SHISAL1: variants seen among roughly 807,000 people sequenced by gnomAD.
SHISAL1 encodes the protein shisa like 1, also known as protein shisa-like-1.
A neutral mutation model predicts 22.6 loss-of-function variants in SHISAL1; 9 were observed. The observed-to-expected ratio is 0.40, with a 90% CI of 0.24 to 0.70. SHISAL1 has a LOEUF of 0.70. SHISAL1 is among the 30% of genes least tolerant of loss of function. The probability of loss-of-function intolerance (pLI) is 0.39; values close to 1 mark genes in which losing one functional copy is unlikely to be tolerated. For missense variants in SHISAL1, 246 were observed against 270.6 expected (o/e 0.91, Z 0.64); for synonymous variants, 119 against 115.4 (o/e 1.03, Z -0.20).
chr22:44,302,572 C>T (rs532525495), intron 1 of SHISAL1, among the ~76,000 whole-genome samples: 16 of 152,288 alleles, frequency 1.1e-4, no homozygotes, highest in East Asian at 5.8e-4. Context: ...GCGGGAGAGG[C>T]CACGTGGCTG....
chr22:44,328,970 C>T, the SHISAL1 span, among the ~76,000 whole-genome samples: 1 of 152,206 alleles, frequency 6.6e-6, no homozygotes, highest in African/African-American at 2.4e-5. Context: ...ACATCTCCCC[C>T]TTCCTCTAGC....
chr22:44,316,935 C>T (rs1289583665), upstream of SHISAL1, among the ~76,000 whole-genome samples: 1 of 152,216 alleles, frequency 6.6e-6, no homozygotes, highest in Non-Finnish European at 1.5e-5. Context: ...GGCTAATTGG[C>T]AGCAGCTGCT....
chr22:44,289,500 T>C (rs1298713766), intron 3 of SHISAL1, among the ~76,000 whole-genome samples: 1 of 114,252 alleles, frequency 8.8e-6, no homozygotes, highest in Admixed American at 9.1e-5. Context: ...GTGTGTTTAC[T>C]GCCGGGCTCC....
At chr22:44,305,451 G>A (rs1444413024) in intron 1 of SHISAL1, among the ~76,000 whole-genome samples, 2 of 152,234 alleles carry the variant, frequency 1.3e-5, no homozygotes, top group Non-Finnish European at 2.9e-5. Context: ...TCCAGAGCTG[G>A]AGAGGCCTTT....
intron 4 of SHISAL1, among the ~76,000 whole-genome samples, chr22:44,266,525 G>GGTGTGTGTGTGT (rs386395566): frequency 2.2e-5 from 1 of 45,652 alleles, no homozygotes; most frequent in Non-Finnish European, 5.5e-5. Context: ...GGGGCTTTGG[G>GGTGTGTGTGTGT]GTATGTGTGT....
chr22:44,325,338 C>A, the SHISAL1 span, among the ~76,000 whole-genome samples: 1 of 152,062 alleles, frequency 6.6e-6, no homozygotes, highest in Admixed American at 6.5e-5. Context: ...AGGCTTCCTG[C>A]AAATGGGCAG....
chr22:44,257,223 C>T (rs1181034653), intron 4 of SHISAL1, among the ~76,000 whole-genome samples: 2 of 152,218 alleles, frequency 1.3e-5, no homozygotes, highest in Non-Finnish European at 2.9e-5. Flanking sequence ...ATCCTACAGA[C>T]ATGCTCACAA....
At chr22:44,269,917 C>A (rs150407921) in intron 4 of SHISAL1, among the ~76,000 whole-genome samples, 1 of 152,232 alleles carries the variant, frequency 6.6e-6, no homozygotes, top group Non-Finnish European at 1.5e-5. Context: ...TCAGCAGCAA[C>A]ACCACGTGTC....
intron 2 of SHISAL1, among the ~76,000 whole-genome samples, chr22:44,297,949 C>T (rs560576990): frequency 1.5e-4 from 23 of 152,306 alleles, no homozygotes; most frequent in African/African-American, 5.5e-4. Context: ...CCCCACCTAC[C>T]CACCCGGGGC....
At chr22:44,274,607 G>GA (rs1340222976) in intron 4 of SHISAL1, among the ~76,000 whole-genome samples, 1 of 152,154 alleles carries the variant, frequency 6.6e-6, no homozygotes, top group African/African-American at 2.4e-5. Context: ...CCCACACATG[G>GA]AATCTGGACA....
In SHISAL1 at chr22:44,248,335, C is replaced by T. The variant is rs1240843746; in HGVS notation, c.*1350G>A. 2.6e-5 allele frequency: 4 copies of T among 152,250 alleles called. No individual in the cohort carries two copies. Among genetic ancestry groups the T allele is most frequent in the Non-Finnish European group, 4.4e-5 (3 of 68,086 alleles). 9.4% of individuals were successfully genotyped at this position (152,250 alleles called of 1,614,324 possible). ...CATTGATCAAGCAGGGCCTCCCGAG[C>T]TAAGAGCTGGGGGAGATTTGGTATC... On this transcript the variant is annotated 3_prime_UTR_variant, in exon 5 of 5. Transcript: ENST00000381176.
upstream of SHISAL1, among the ~76,000 whole-genome samples, chr22:44,313,516 C>T (rs2147314070): frequency 6.6e-6 from 1 of 152,332 alleles, no homozygotes; most frequent in East Asian, 1.9e-4. Context: ...AGCAGAGGGT[C>T]CTCCCTGCCA....
intron 4 of SHISAL1, among the ~76,000 whole-genome samples, chr22:44,265,519 C>T (rs2055155834): frequency 6.6e-6 from 1 of 152,130 alleles, no homozygotes. Flanking sequence ...TTGATTGCAG[C>T]CTCCTGAGAG....
chr22:44,291,590 C>A (rs1027371232), intron 3 of SHISAL1, among the ~76,000 whole-genome samples: 1 of 152,106 alleles, frequency 6.6e-6, no homozygotes, highest in African/African-American at 2.4e-5. Context: ...AGAGGTTTCA[C>A]GCGTGGCCAA....
Position 44,309,045 on chromosome 22 carries a change from C to T in SHISAL1, c.-33+3706G>A, listed in dbSNP as rs534194005. On this transcript the variant is annotated intron_variant, in intron 1 of 4. Transcript: ENST00000381176. ...TGCCCGTGGGCATCCCTTTCCCCACCGTGTACGTCCAAACTGAACCTGCCC... is the reference window on the plus strand; with the variant it reads ...TGCCCGTGGGCATCCCTTTCCCCACTGTGTACGTCCAAACTGAACCTGCCC... Among the ~76,000 whole-genome samples, 145 of 152,302 alleles carry T rather than the reference C, an allele frequency of 9.5e-4. 1 individual carries two copies. The highest frequency in any genetic ancestry group is 3.3e-3 in the African/African-American group (138 of 41,562).
At chr22:44,323,247 C>T in the SHISAL1 span, among the ~76,000 whole-genome samples, 3 of 146,264 alleles carry the variant, frequency 2.1e-5, no homozygotes, top group African/African-American at 7.7e-5. Flanking sequence ...TCCATCCATC[C>T]ATTCATCCAT....
intron 4 of SHISAL1, among the ~76,000 whole-genome samples, chr22:44,258,441 T>G (rs2055099450): frequency 6.6e-6 from 1 of 152,230 alleles, no homozygotes. Context: ...TACCCATTAG[T>G]TATTTTTCCT....
chr22:44,298,068 C>T (rs886278245), intron 2 of SHISAL1, among the ~76,000 whole-genome samples: 1 of 152,204 alleles, frequency 6.6e-6, no homozygotes, highest in Non-Finnish European at 1.5e-5. Context: ...AAATTCCACA[C>T]CCCTTCCCCC....
At chr22:44,300,703 G>A (rs1476698552) in intron 2 of SHISAL1, among the ~76,000 whole-genome samples, 176 bp downstream of exon 2, 1 of 152,196 alleles carries the variant, frequency 6.6e-6, no homozygotes, top group African/African-American at 2.4e-5. Flanking sequence ...GAGACAGACA[G>A]AGACCAACCA....
Sources: allele counts gnomAD v4.1 joint callset (sites outside exome capture counted in the v4.1 genomes callset), GRCh38; gene constraint gnomAD v4.1.1; transcripts MANE v1.5; gene names NCBI Gene and HGNC (gene_info 2026-07-23, HGNC 2026-07-21).